MYO9B: variants seen among roughly 807,000 people sequenced by gnomAD.
The protein encoded by MYO9B is unconventional myosin-IXb.
Under a neutral mutation model 229.5 loss-of-function variants are expected in MYO9B, and 71 were observed. The ratio of observed to expected loss-of-function variants is 0.31; its 90% confidence interval spans 0.26 to 0.38. The LOEUF is 0.38. Ranked by LOEUF, MYO9B falls within the 10% of genes least tolerant of loss-of-function variation. MYO9B has a pLI of 1.00. For missense variants in MYO9B, 2,255 were observed against 2,920.5 expected, an observed-to-expected ratio of 0.77 and a Z score of 5.25; for synonymous variants, 1,185 against 1,235.8, an observed-to-expected ratio of 0.96 and a Z score of 0.86.
intron 2 of MYO9B, among the ~76,000 whole-genome samples, chr19:17,116,777 T>TG (rs2057908371): frequency 6.6e-6 from 1 of 151,976 alleles, no homozygotes; most frequent in Admixed American, 6.6e-5. Context: ...ATGGAGAGGA[T>TG]GGGGGTGCCC....
Position 17,183,985 on chromosome 19 carries a change from C to T in MYO9B, c.2373+117C>T. 3 of 1,021,864 alleles carry T rather than the reference C, an allele frequency of 2.9e-6. No individual in the cohort carries two copies. The South Asian group carries it at 4.6e-5, about 16-fold the overall frequency. 63.3% of individuals were successfully genotyped at this position (1,021,864 alleles called of 1,614,324 possible). On this transcript the variant is annotated intron_variant, in intron 16 of 39. Transcript: ENST00000682292. ...CTCCTCCTTCCCACTATCTCCCCCT[C>T]CCTCCAAGAAAAAAAAAATGTTCTC...
At position 17,212,991 on chromosome 19, in the gene MYO9B, A is replaced by G. The variant is rs902974840; in HGVS notation, c.*681A>G. The G allele has an allele frequency of 1.3e-5, 2 of 152,324 alleles. No homozygotes were observed. Among genetic ancestry groups the G allele is most frequent in the African/African-American group, 4.8e-5 (2 of 41,464 alleles). 9.4% of individuals were successfully genotyped at this position (152,324 alleles called of 1,614,324 possible). A position where few individuals can be genotyped will look rare whatever the true frequency, so the allele number is the denominator to read the frequency against. ...AGGGGCACCATGGACCTCACGTGCC[A>G]GGGAGACTTGAATGTGGCTGTCACT... is the stretch of plus-strand genomic sequence containing the variant. On this transcript the variant is annotated 3_prime_UTR_variant, in exon 40 of 40. Coordinates refer to ENST00000682292, the MANE Select transcript of MYO9B (RefSeq NM_004145.4). The surrounding 1 kb of genome is among the most constrained non-coding windows in gnomAD (Gnocchi z 5.4).
intron 2 of MYO9B, among the ~76,000 whole-genome samples, chr19:17,139,709 A>G (rs2072313836): frequency 6.6e-6 from 1 of 152,136 alleles, no homozygotes; most frequent in East Asian, 1.9e-4. Flanking sequence ...ACTGCACTCT[A>G]GCCTGGGCGA....
At chr19:17,123,372 G>A (rs977773214) in intron 2 of MYO9B, among the ~76,000 whole-genome samples, 1 of 152,026 alleles carries the variant, frequency 6.6e-6, no homozygotes, top group Non-Finnish European at 1.5e-5. Context: ...TATAACACTT[G>A]TGAATATCTA....
In MYO9B at chr19:17,101,814, T is replaced by G; in HGVS notation, c.97T>G (p.Ser33Ala). 6.2e-7 allele frequency: 1 copy of G among 1,606,282 alleles called. No individual in the cohort carries two copies. The highest frequency in any genetic ancestry group is 1.7e-5 in the Admixed American group (1 of 59,568). Reference protein sequence around the residue: ...PQLSTTESQASCRVTATKDST... With the variant: ...PQLSTTESQAACRVTATKDST... The stretch of plus-strand genomic sequence containing the variant: ...GCTGTCCACCACCGAGAGCCAGGCC[T>G]CGTGCCGCGTGACTGCCACCAAGGA... Residue 33 changes from serine to alanine, a missense_variant, in exon 2 of 40, where the codon TCG becomes GCG. Coordinates refer to ENST00000682292, the MANE Select transcript of MYO9B (RefSeq NM_004145.4). The surrounding 1 kb of genome is among the most constrained non-coding windows in gnomAD (Gnocchi z 4.7).
At chr19:17,207,063 ACCTC>A (rs1341541467) in intron 34 of MYO9B, 46 bp from the exon 35 acceptor site, 2 of 1,595,396 alleles carry the variant, frequency 1.3e-6, no homozygotes, top group South Asian at 1.1e-5. Context: ...GCTCCCTGGT[ACCTC>A]CCTCCCTCGG....
intron 6 of MYO9B, among the ~76,000 whole-genome samples, chr19:17,155,885 T>TG (rs2072531301): frequency 6.6e-6 from 1 of 152,110 alleles, no homozygotes; most frequent in Admixed American, 6.6e-5. Context: ...CCATGCATGA[T>TG]GGTGCACGCC....
intron 18 of MYO9B, among the ~76,000 whole-genome samples, chr19:17,187,487 A>C (rs2072931217): frequency 6.7e-6 from 1 of 150,112 alleles, no homozygotes; most frequent in African/African-American, 2.4e-5. Flanking sequence ...AATTCCCAGC[A>C]CTTACCCCAG....
At chr19:17,098,445 G>A (rs972387324) in intron 1 of MYO9B, among the ~76,000 whole-genome samples, 2 of 152,174 alleles carry the variant, frequency 1.3e-5, no homozygotes, top group South Asian at 2.1e-4. Flanking sequence ...TAACTGCTGC[G>A]CTGGATTCAC....
At chr19:17,104,615 G>A (rs1137464) in intron 2 of MYO9B, among the ~76,000 whole-genome samples, 2,916 of 151,974 alleles carry the variant, frequency 0.019, 91 homozygotes, top group African/African-American at 0.065. Flanking sequence ...TGTAGAGATG[G>A]GGGTCTCACT....
intron 15 of MYO9B, among the ~76,000 whole-genome samples, chr19:17,181,242 G>A (rs1006187884): frequency 1.3e-5 from 2 of 152,180 alleles, no homozygotes; most frequent in Non-Finnish European, 2.9e-5. Flanking sequence ...AGGCACAGCC[G>A]GCTTCCCAGC....
chr19:17,094,858 C>T (rs2057672921), intron 1 of MYO9B, among the ~76,000 whole-genome samples: 1 of 152,144 alleles, frequency 6.6e-6, no homozygotes, highest in African/African-American at 2.4e-5. Flanking sequence ...GAGAGGTTTG[C>T]TTGAGCCAGG....
intron 9 of MYO9B, among the ~76,000 whole-genome samples, 180 bp from the exon 10 acceptor site, chr19:17,162,808 G>A (rs1027062537): frequency 2.0e-5 from 3 of 152,106 alleles, no homozygotes; most frequent in Admixed American, 6.6e-5. Flanking sequence ...GGGCAACAGA[G>A]CAAGACCCCA....
Position 17,195,595 on chromosome 19 carries a change from C to A in MYO9B, c.4046+122C>A, listed in dbSNP as rs2073034389. 1 of 1,280,228 alleles carries A rather than the reference C, an allele frequency of 7.8e-7. No individual in the cohort carries two copies. The highest frequency in any genetic ancestry group is 1.1e-6 in the Non-Finnish European group (1 of 936,348). The allele number at this position is 1,280,228 out of a possible 1,614,324, so 79.3% of individuals were successfully genotyped here. ...CATGCCCAGTGGGTGTGCGGGAGGC[C>A]TGAGGGAGGAGGACGAGCAGGACAT... On this transcript the variant is annotated intron_variant, in intron 22 of 39. Coordinates refer to ENST00000682292, the MANE Select transcript of MYO9B (RefSeq NM_004145.4). The surrounding 1 kb of genome is among the most constrained non-coding windows in gnomAD (Gnocchi z 4.5).
Position 17,099,680 on chromosome 19 carries a change from C to T in MYO9B, c.-58-1980C>T, listed in dbSNP as rs368240585. ...AATACAAAAAAAAATTAGCCAGGCG[C>T]GGTGGCGGGCGCCTGTTGTCTCAGC... is the stretch of plus-strand genomic sequence containing the variant. On this transcript the variant is annotated intron_variant, in intron 1 of 39. Coordinates refer to ENST00000682292, the MANE Select transcript of MYO9B (RefSeq NM_004145.4). Among the ~76,000 whole-genome samples, 294 of 151,308 alleles carry T rather than the reference C, an allele frequency of 1.9e-3. 14 individuals are homozygous for T. The South Asian group carries it at 0.054, about 28-fold the overall frequency.
chr19:17,180,883 C>A, intron 14 of MYO9B, 44 bp from the exon 15 acceptor site: 1 of 1,387,124 alleles, frequency 7.2e-7, no homozygotes. Context: ...GCTTCTAACT[C>A]CATCTTCTTT....
intron 1 of MYO9B, among the ~76,000 whole-genome samples, chr19:17,089,139 G>A (rs945026541): frequency 5.9e-5 from 9 of 152,098 alleles, no homozygotes; most frequent in Non-Finnish European, 1.0e-4. Flanking sequence ...GGTTGCAGGT[G>A]TAGAAAAATG....
chr19:17,078,157 T>C (rs775243423), intron 1 of MYO9B, among the ~76,000 whole-genome samples: 1 of 152,184 alleles, frequency 6.6e-6, no homozygotes, highest in African/African-American at 2.4e-5. Context: ...GCCAGACACT[T>C]GGTAGATTCC....
intron 23 of MYO9B, 42 bp from the exon 24 acceptor site, chr19:17,198,142 G>T: frequency 6.2e-7 from 1 of 1,611,328 alleles, no homozygotes; most frequent in Non-Finnish European, 8.5e-7. Flanking sequence ...GCACAGGACT[G>T]CCAGCCTTTC....
Sources: gnomAD v4.1 joint callset for allele counts (sites outside exome capture counted in the v4.1 genomes callset) on GRCh38, gnomAD v4.1.1 for gene constraint, Gnocchi (gnomAD v3.1) non-coding constraint, MANE v1.5 for transcripts, NCBI Gene and HGNC (gene_info 2026-07-23, HGNC 2026-07-21) for gene names.